The following UST variants were observed in gnomAD, a reference collection of about 807,000 sequenced individuals.
UST encodes uronyl 2-sulfotransferase, also known as chondroitin sulfate 2-O-sulfotransferase.
In UST, 21 loss-of-function variants were observed where a neutral mutation model predicts 45.6. The observed-to-expected ratio is 0.46, with a 90% confidence interval of 0.33 to 0.66. The LOEUF (loss-of-function observed/expected upper bound fraction) is 0.66, where lower values mean the gene tolerates loss of function less well. Ranked by LOEUF, UST falls within the 30% of genes least tolerant of loss-of-function variation. UST has a pLI of 0.02. For missense variants in UST, 463 were observed against 512.4 expected (o/e 0.90, Z 0.93); for synonymous variants, 215 against 200.6 (o/e 1.07, Z -0.61).
At chr6:148,778,201 G>A (rs984264113) in intron 1 of UST, among the ~76,000 whole-genome samples, 4 of 152,238 alleles carry the variant, frequency 2.6e-5, no homozygotes, top group Middle Eastern at 3.4e-3. Flanking sequence ...AAGAATAGAG[G>A]TATAGCCTCC....
chr6:148,952,611 C>T (rs1259510386), intron 3 of UST, among the ~76,000 whole-genome samples: 1 of 152,192 alleles, frequency 6.6e-6, no homozygotes, highest in East Asian at 1.9e-4. Context: ...CTGTGTTAGA[C>T]ATGAAGGAAC....
intron 5 of UST, among the ~76,000 whole-genome samples, chr6:149,012,157 C>T (rs1775823994): frequency 6.6e-6 from 1 of 152,218 alleles, no homozygotes; most frequent in African/African-American, 2.4e-5. Context: ...TTCCGAAGGA[C>T]ACTTCCCATC....
At chr6:148,908,802 A>T (rs995471389) in intron 2 of UST, among the ~76,000 whole-genome samples, 5 of 152,194 alleles carry the variant, frequency 3.3e-5, no homozygotes, top group African/African-American at 1.2e-4. Flanking sequence ...TGTAATCAGG[A>T]TTAGTTCAAA....
At chr6:149,055,790 T>C (rs1776553070) in intron 7 of UST, among the ~76,000 whole-genome samples, 1 of 152,188 alleles carries the variant, frequency 6.6e-6, no homozygotes, top group Non-Finnish European at 1.5e-5. Flanking sequence ...ATTTCATGCT[T>C]GTGCTGCATC....
At chr6:149,059,046 T>C (rs973274224) in intron 7 of UST, among the ~76,000 whole-genome samples, 2 of 151,986 alleles carry the variant, frequency 1.3e-5, no homozygotes, top group East Asian at 1.9e-4. Flanking sequence ...AAAAGAAACA[T>C]AGCAACTTGC....
At chr6:148,971,376 C>T (rs922550191) in intron 5 of UST, among the ~76,000 whole-genome samples, 1 of 152,178 alleles carries the variant, frequency 6.6e-6, no homozygotes, top group Non-Finnish European at 1.5e-5. Flanking sequence ...CACTGTCAGT[C>T]CTCATGGAGC....
At position 149,042,339 on chromosome 6, in the gene UST, G is replaced by A. The variant is rs1375927616; in HGVS notation, c.937+20858G>A. Among the ~76,000 whole-genome samples, 5 of 152,180 alleles carry A rather than the reference G, an allele frequency of 3.3e-5. No individual in the cohort carries two copies. The East Asian group carries it at 9.6e-4, about 29-fold the overall frequency. On this transcript the variant is annotated intron_variant, in intron 7 of 7. Coordinates refer to ENST00000367463, the MANE Select transcript of UST (RefSeq NM_005715.3). The stretch of plus-strand genomic sequence containing the variant: ...ACTAAAAATACAGGTGATGTGATGT[G>A]AACTGTTGGCCATTTAAGCAGGTTC...
At chr6:149,019,412 A>C (rs1775949200) in intron 6 of UST, among the ~76,000 whole-genome samples, 176 bp downstream of exon 6, 1 of 152,212 alleles carries the variant, frequency 6.6e-6, no homozygotes, top group African/African-American at 2.4e-5. Flanking sequence ...TGTCCTATAA[A>C]TAATGAAATT....
intron 3 of UST, among the ~76,000 whole-genome samples, chr6:148,952,252 G>A (rs1433146336): frequency 3.3e-5 from 5 of 152,164 alleles, no homozygotes; most frequent in South Asian, 2.1e-4. Flanking sequence ...AATGAACAAC[G>A]TGACCACGCA....
chr6:148,747,610 G>C lies in UST; in HGVS notation c.180G>C (p.Leu60=), dbSNP rs755636856. Residue 60 remains leucine (L), a synonymous_variant, in exon 1 of 8, where the codon CTG becomes CTC. Transcript: ENST00000367463. ...FCMATLLVFC[L]GSLLYQLSGG... is the part of the protein sequence containing the mutation. ...TGGCCACCCTGCTGGTCTTCTGCCT[G>C]GGCTCCCTCCTCTATCAGCTCAGCG... The C allele has an allele frequency of 4.4e-6, 7 of 1,602,248 alleles. No individual in the cohort carries two copies. In the South Asian group the frequency reaches 5.6e-5, roughly 13 times the overall value.
At chr6:149,071,492 A>T (rs1776817643) in intron 7 of UST, among the ~76,000 whole-genome samples, 1 of 152,222 alleles carries the variant, frequency 6.6e-6, no homozygotes, top group Non-Finnish European at 1.5e-5. Context: ...ACCAAAAGAC[A>T]GGCAATAAGA....
At position 148,973,449 on chromosome 6, in the gene UST, A is replaced by G. The variant is rs186501928; in HGVS notation, c.681+8886A>G. Among the ~76,000 whole-genome samples, 3 of 152,352 alleles carry G rather than the reference A, an allele frequency of 2.0e-5. No homozygotes were observed. The East Asian group carries it at 5.8e-4, about 29-fold the overall frequency. On this transcript the variant is annotated intron_variant, in intron 5 of 7. Transcript: ENST00000367463. ...ACATTCTTTAAATGCAGGCCAATTC[A>G]TACAAAGACATGTAAATGCTAAATT...
chr6:148,783,054 G>C (rs2114691655), intron 1 of UST, among the ~76,000 whole-genome samples: 1 of 152,300 alleles, frequency 6.6e-6, no homozygotes, highest in South Asian at 2.1e-4. Context: ...GCCACCGCAA[G>C]CTTTAGCAAC....
intron 2 of UST, among the ~76,000 whole-genome samples, chr6:148,929,633 A>G (rs951363174): frequency 6.6e-6 from 1 of 152,158 alleles, no homozygotes; most frequent in Non-Finnish European, 1.5e-5. Context: ...ATATTTTCCT[A>G]TTTATTTACG....
At position 148,862,166 on chromosome 6, in the gene UST, T is replaced by G. The variant is rs923055037; in HGVS notation, c.248-24820T>G. Among the ~76,000 whole-genome samples the G allele has an allele frequency of 7.0e-4, 107 of 152,352 alleles. 1 individual carries two copies. Among genetic ancestry groups the G allele is most frequent in the African/African-American group, 2.5e-3 (103 of 41,582 alleles). Reference sequence around the variant, plus strand: ...TGTGGGTCTCTAAGGACTTGCTTTATGAATCTGGGTGCTCCTGTATTGGGT... The same window carrying G: ...TGTGGGTCTCTAAGGACTTGCTTTAGGAATCTGGGTGCTCCTGTATTGGGT... On this transcript the variant is annotated intron_variant, in intron 1 of 7. Coordinates refer to ENST00000367463, the MANE Select transcript of UST (RefSeq NM_005715.3).
At chr6:148,917,440 C>T (rs1008238503) in intron 2 of UST, among the ~76,000 whole-genome samples, 1 of 152,208 alleles carries the variant, frequency 6.6e-6, no homozygotes, top group Non-Finnish European at 1.5e-5. Flanking sequence ...AAGAGACCGT[C>T]TTTACCCCAT....
chr6:148,921,711 A>G (rs1437192238), intron 2 of UST, among the ~76,000 whole-genome samples: 1 of 152,164 alleles, frequency 6.6e-6, no homozygotes, highest in Admixed American at 6.5e-5. Flanking sequence ...ATGGACCTGG[A>G]GCATCCTTGT....
chr6:148,918,510 G>A (rs1188219955), intron 2 of UST, among the ~76,000 whole-genome samples: 2 of 152,096 alleles, frequency 1.3e-5, no homozygotes, highest in Non-Finnish European at 2.9e-5. Context: ...TGGTGCTTTT[G>A]ATGTAAATTT....
chr6:149,062,330 G>A (rs1167996366), intron 7 of UST, among the ~76,000 whole-genome samples: 1 of 152,222 alleles, frequency 6.6e-6, no homozygotes, highest in African/African-American at 2.4e-5. Context: ...AAGGAATTTA[G>A]CTAAAAAGTG....
Sources: gnomAD v4.1 joint callset for allele counts (sites outside exome capture counted in the v4.1 genomes callset) on GRCh38, gnomAD v4.1.1 for gene constraint, MANE v1.5 for transcripts, NCBI Gene and HGNC (gene_info 2026-07-23, HGNC 2026-07-21) for gene names.